Variants in SLIT3 observed in about 807,000 individuals in gnomAD.
SLIT3 encodes the protein slit guidance ligand 3, also known as slit homolog 3 protein.
SLIT3 carries 68 observed loss-of-function variants against 184.0 expected under a neutral mutation model. The ratio of observed to expected loss-of-function variants is 0.37; its 90% CI spans 0.30 to 0.45. SLIT3 has a LOEUF of 0.45. Among genes scored for constraint, SLIT3 ranks in the 20% least tolerant of loss-of-function variants. The probability of loss-of-function intolerance (pLI) is 1.00; values close to 1 mark genes in which losing one functional copy is unlikely to be tolerated. For missense variants in SLIT3, 1,707 were observed against 2,026.0 expected, an observed-to-expected ratio of 0.84 and a Z score of 3.02; for synonymous variants, 831 against 828.6, an observed-to-expected ratio of 1.00 and a Z score of -0.05.
chr5:169,137,303 CAT>C (rs764145331), intron 4 of SLIT3, among the ~76,000 whole-genome samples: 42,992 of 135,474 alleles, frequency 0.32, 7,066 homozygotes, highest in Middle Eastern at 0.43. Flanking sequence ...TTTCTATCTA[CAT>C]ACACACACAC....
At chr5:168,866,078 T>C (rs1243465901) in intron 5 of SLIT3, among the ~76,000 whole-genome samples, 1 of 152,238 alleles carries the variant, frequency 6.6e-6, no homozygotes, top group Non-Finnish European at 1.5e-5. Context: ...GCTTTTTCAC[T>C]TTTTCCTTCT....
intron 4 of SLIT3, among the ~76,000 whole-genome samples, chr5:168,984,855 T>C (rs1395498618): frequency 1.3e-5 from 2 of 152,166 alleles, no homozygotes; most frequent in African/African-American, 4.8e-5. Context: ...AAACACCAGA[T>C]TGCTGCTCTC....
intron 4 of SLIT3, among the ~76,000 whole-genome samples, chr5:169,057,881 C>T (rs890663613): frequency 5.3e-5 from 8 of 152,282 alleles, no homozygotes; most frequent in Admixed American, 5.2e-4. Context: ...GCCACTTAAG[C>T]AAAAAGACAC....
chr5:169,118,457 T>C (rs1760769549), intron 4 of SLIT3, among the ~76,000 whole-genome samples: 3 of 152,204 alleles, frequency 2.0e-5, no homozygotes. Context: ...CTTGGACTTT[T>C]GAAAGGCCAG....
intron 4 of SLIT3, among the ~76,000 whole-genome samples, chr5:169,185,395 A>G (rs573623883): frequency 5.7e-4 from 87 of 152,266 alleles, no homozygotes; most frequent in Admixed American, 1.6e-3. Flanking sequence ...AATCCATGCC[A>G]GCGCACAAGG....
At chr5:168,670,103 A>G (rs1761191298) in intron 34 of SLIT3, 112 bp from the exon 35 acceptor site, 11 of 840,952 alleles carry the variant, frequency 1.3e-5, no homozygotes, top group Admixed American at 1.1e-4. Flanking sequence ...GTACAGTCCA[A>G]TAGCTTTCTC....
At chr5:168,795,685 C>CA in intron 9 of SLIT3, 107 bp from the exon 10 acceptor site, 1 of 869,860 alleles carries the variant, frequency 1.1e-6, no homozygotes, top group South Asian at 1.4e-5. Context: ...TCTTTTTTGT[C>CA]ACAGGTGCAC....
chr5:169,255,655 G>A (rs556478280), intron 1 of SLIT3, among the ~76,000 whole-genome samples: 120 of 152,278 alleles, frequency 7.9e-4, no homozygotes, highest in Non-Finnish European at 1.4e-3. Flanking sequence ...AGGCCAAGCC[G>A]GGCGGATCAC....
chr5:169,123,170 G>T (rs1760945425), intron 4 of SLIT3, among the ~76,000 whole-genome samples: 1 of 152,038 alleles, frequency 6.6e-6, no homozygotes, highest in African/African-American at 2.4e-5. Flanking sequence ...CTAGTTTGAG[G>T]TACTAAGAAA....
At chr5:168,851,561 A>C (rs533145552) in intron 5 of SLIT3, among the ~76,000 whole-genome samples, 1 of 152,284 alleles carries the variant, frequency 6.6e-6, no homozygotes, top group Non-Finnish European at 1.5e-5. Flanking sequence ...ACTGTTTGCA[A>C]AATGTGCTGT....
intron 4 of SLIT3, among the ~76,000 whole-genome samples, chr5:168,999,280 G>A (rs1354691906): frequency 6.6e-6 from 1 of 152,142 alleles, no homozygotes; most frequent in Non-Finnish European, 1.5e-5. Context: ...TCTGGAGTGG[G>A]ATACAGTCAG....
At chr5:168,958,079 A>C (rs1380518820) in intron 4 of SLIT3, among the ~76,000 whole-genome samples, 1 of 152,244 alleles carries the variant, frequency 6.6e-6, no homozygotes, top group African/African-American at 2.4e-5. Context: ...TAACTCCAGT[A>C]TATTGAGTGG....
intron 4 of SLIT3, among the ~76,000 whole-genome samples, chr5:169,054,590 GT>G (rs1757925321): frequency 6.6e-6 from 1 of 151,904 alleles, no homozygotes; most frequent in African/African-American, 2.4e-5. Flanking sequence ...GCAACCCTAA[GT>G]CCCTCCCCTT....
intron 6 of SLIT3, among the ~76,000 whole-genome samples, chr5:168,830,139 T>C (rs1372736863): frequency 1.3e-5 from 2 of 152,168 alleles, no homozygotes; most frequent in South Asian, 2.1e-4. Context: ...TATTAGAATC[T>C]GCATGGATGG....
intron 8 of SLIT3, among the ~76,000 whole-genome samples, chr5:168,809,651 T>C (rs567736268): frequency 3.7e-3 from 567 of 152,294 alleles, no homozygotes; most frequent in Middle Eastern, 6.8e-3. Flanking sequence ...ATAATGGCAG[T>C]GGTGTTTTTG....
At chr5:168,807,852 C>A (rs1757025653) in intron 8 of SLIT3, among the ~76,000 whole-genome samples, 1 of 152,152 alleles carries the variant, frequency 6.6e-6, no homozygotes. Context: ...AGCCTGGTGT[C>A]CCGTTTGGAC....
chr5:168,716,243 G>A (rs1195087684), intron 23 of SLIT3, among the ~76,000 whole-genome samples: 1 of 152,098 alleles, frequency 6.6e-6, no homozygotes, highest in Non-Finnish European at 1.5e-5. Context: ...CCAAAGTGCT[G>A]GGATAACAGA....
chr5:168,764,333 C>G (rs1248002546), intron 14 of SLIT3, among the ~76,000 whole-genome samples: 1 of 152,174 alleles, frequency 6.6e-6, no homozygotes, highest in Admixed American at 6.5e-5. Context: ...ATCCTTGCAA[C>G]ACTCTGAGGT....
intron 4 of SLIT3, among the ~76,000 whole-genome samples, chr5:169,173,319 G>A (rs919642360): frequency 5.9e-5 from 9 of 152,206 alleles, no homozygotes; most frequent in South Asian, 2.1e-4. Context: ...ATGGTTCCAG[G>A]TATGAGTTAG....
Sources: gnomAD v4.1 joint callset for allele counts (sites outside exome capture counted in the v4.1 genomes callset) on GRCh38, gnomAD v4.1.1 for gene constraint, MANE v1.5 for transcripts, NCBI Gene and HGNC (gene_info 2026-07-23, HGNC 2026-07-21) for gene names.